The following ARHGAP8 variants were observed in gnomAD, a reference collection of about 807,000 sequenced individuals.
ARHGAP8 encodes rho GTPase-activating protein 8.
Under a neutral mutation model 46.1 loss-of-function variants are expected in ARHGAP8, and 62 were observed. The ratio of observed to expected loss-of-function variants is 1.34; its 90% CI spans 1.10 to 1.66. The LOEUF (loss-of-function observed/expected upper bound fraction) is 1.66. Among genes scored for constraint, ARHGAP8 ranks in the 40% most tolerant of loss-of-function variants. The pLI, the probability that ARHGAP8 is intolerant of heterozygous loss-of-function variation, is 0.00. For synonymous variants in ARHGAP8, 375 were observed against 243.1 expected (o/e 1.54, Z -5.05); for missense variants, 923 against 568.4 (o/e 1.62, Z -6.34).
chr22:44,806,779 C>T (rs1232199193), intron 3 of ARHGAP8, among the ~76,000 whole-genome samples: 1 of 151,804 alleles, frequency 6.6e-6, no homozygotes, highest in African/African-American at 2.4e-5. Context: ...TCAGTGAAAC[C>T]CCGCCTCTAC....
At chr22:44,770,668 A>G (rs1399230664) in intron 1 of ARHGAP8, among the ~76,000 whole-genome samples, 1 of 152,156 alleles carries the variant, frequency 6.6e-6, no homozygotes, top group African/African-American at 2.4e-5. Context: ...GGCCTCCCAA[A>G]GTGCTGGGAT....
chr22:44,840,812 C>T (rs138839703), intron 7 of ARHGAP8, among the ~76,000 whole-genome samples: 2 of 152,184 alleles, frequency 1.3e-5, no homozygotes, highest in Admixed American at 6.5e-5. Context: ...CTCCCGGCCG[C>T]GTCCTCGCGT....
chr22:44,858,551 T>TTTTTTTTC (rs397964298), intron 10 of ARHGAP8, among the ~76,000 whole-genome samples: 19 of 118,000 alleles, frequency 1.6e-4, no homozygotes, highest in African/African-American at 6.4e-4. Context: ...TTTTTTTTTT[T>TTTTTTTTC]AAGTAACAGG....
chr22:44,859,484 C>T (rs375711547), intron 10 of ARHGAP8, among the ~76,000 whole-genome samples: 4 of 152,310 alleles, frequency 2.6e-5, no homozygotes, highest in African/African-American at 9.6e-5. Context: ...CTTGTACAGC[C>T]TGTAGAACCA....
chr22:44,843,164 C>A (rs1328066047), intron 7 of ARHGAP8, among the ~76,000 whole-genome samples: 1 of 152,182 alleles, frequency 6.6e-6, no homozygotes, highest in Admixed American at 6.5e-5. Flanking sequence ...TAACAGTAGC[C>A]TGCCTTGCCC....
chr22:44,789,431 G>T (rs1927504456), intron 2 of ARHGAP8, among the ~76,000 whole-genome samples: 1 of 152,094 alleles, frequency 6.6e-6, no homozygotes, highest in Admixed American at 6.6e-5. Context: ...GATTACAGGT[G>T]TGAGCCACTG....
At chr22:44,845,412 T>G in intron 8 of ARHGAP8, 70 bp downstream of exon 8, 1 of 1,604,512 alleles carries the variant, frequency 6.2e-7, no homozygotes, top group Non-Finnish European at 8.5e-7. Flanking sequence ...TGGTTTGTCT[T>G]GGATCCTGAG....
In ARHGAP8 at chr22:44,786,793, T is replaced by A. The variant is rs199634482; in HGVS notation, c.79+187T>A. ...ACTTTGTGAGGCCAAAGTGGGCAGA[T>A]TGCTTCAGCCCACGAATTCGAGACC... On this transcript the variant is annotated intron_variant, in intron 2 of 11. Coordinates refer to ENST00000356099, the MANE Select transcript of ARHGAP8 (RefSeq NM_181335.3). Among the ~76,000 whole-genome samples, 13 of 152,214 alleles carry A rather than the reference T, an allele frequency of 8.5e-5. No homozygotes were observed. In the East Asian group the frequency reaches 2.1e-3, roughly 25 times the overall value.
At chr22:44,754,465 C>T (rs991648189) in intron 1 of ARHGAP8, among the ~76,000 whole-genome samples, 6 of 152,002 alleles carry the variant, frequency 3.9e-5, no homozygotes, top group South Asian at 2.1e-4. Context: ...AAGTGCTTCT[C>T]GTGCCTCAGC....
chr22:44,758,876 GTT>G (rs1275801309), intron 1 of ARHGAP8, among the ~76,000 whole-genome samples: 2 of 152,248 alleles, frequency 1.3e-5, no homozygotes, highest in Non-Finnish European at 2.9e-5. Flanking sequence ...GGATATTCAA[GTT>G]TGAGTTGGGA....
chr22:44,856,403 A>T (rs1342399665), intron 10 of ARHGAP8, among the ~76,000 whole-genome samples: 1 of 151,374 alleles, frequency 6.6e-6, no homozygotes, highest in Non-Finnish European at 1.5e-5. Context: ...GCTCCCAAGT[A>T]TCTGGGATTA....
intron 1 of ARHGAP8, among the ~76,000 whole-genome samples, chr22:44,773,661 C>T (rs1408039846): frequency 6.6e-6 from 1 of 152,192 alleles, no homozygotes. Context: ...TGGCTCACTG[C>T]ATCCTCCGCC....
intron 1 of ARHGAP8, among the ~76,000 whole-genome samples, chr22:44,758,764 C>T (rs1364329605): frequency 6.6e-6 from 1 of 152,192 alleles, no homozygotes; most frequent in Non-Finnish European, 1.5e-5. Context: ...AGGTCCAAAC[C>T]ACAGGCTCTT....
rs1003160235 is a variant in ARHGAP8, at chr22:44,786,358, C to A, written c.-71-99C>A. 22 of 1,463,958 alleles carry A rather than the reference C, an allele frequency of 1.5e-5. No homozygotes were observed. In the Admixed American group the frequency reaches 1.7e-4, roughly 12 times the overall value. 90.7% of individuals were successfully genotyped at this position (1,463,958 alleles called of 1,614,324 possible). A position where few individuals can be genotyped will look rare whatever the true frequency, so the allele number is the denominator to read the frequency against. On this transcript the variant is annotated intron_variant, in intron 1 of 11. Transcript: ENST00000356099. Reference sequence around the variant, plus strand: ...GGTAGGGCGCGTAGTGGGTGTGCAGCAGAGGTGGGTGACTGTCTTATGAAA... The same window carrying A: ...GGTAGGGCGCGTAGTGGGTGTGCAGAAGAGGTGGGTGACTGTCTTATGAAA...
intron 4 of ARHGAP8, among the ~76,000 whole-genome samples, chr22:44,814,223 C>T (rs1040690393): frequency 3.3e-5 from 5 of 152,324 alleles, no homozygotes; most frequent in East Asian, 1.9e-4. Flanking sequence ...GGCCTCTGGC[C>T]GGCTGATGTT....
At chr22:44,813,291 C>G (rs1053556528) in intron 4 of ARHGAP8, among the ~76,000 whole-genome samples, 1 of 151,860 alleles carries the variant, frequency 6.6e-6, no homozygotes, top group Non-Finnish European at 1.5e-5. Flanking sequence ...CACACATACA[C>G]ACCTGGATAC....
At chr22:44,809,159 T>C (rs1477444109) in intron 4 of ARHGAP8, 1 of 471,030 alleles carries the variant, frequency 2.1e-6, no homozygotes, top group Non-Finnish European at 4.4e-6. Context: ...GTCAGCATTT[T>C]AGCTTTGCAG....
At chr22:44,823,646 C>T (rs956776953) in intron 6 of ARHGAP8, among the ~76,000 whole-genome samples, 4 of 152,106 alleles carry the variant, frequency 2.6e-5, no homozygotes, top group African/African-American at 9.7e-5. Flanking sequence ...TAAAGTGATC[C>T]GGGGGAGTCC....
intron 5 of ARHGAP8, among the ~76,000 whole-genome samples, chr22:44,817,968 AGCCAG>A (rs1929869244): frequency 6.6e-6 from 1 of 152,126 alleles, no homozygotes; most frequent in Admixed American, 6.6e-5. Context: ...GATAAAAATC[AGCCAG>A]GCATGGTGGC....
Sources: allele counts gnomAD v4.1 joint callset (sites outside exome capture counted in the v4.1 genomes callset), GRCh38; gene constraint gnomAD v4.1.1; transcripts MANE v1.5; gene names NCBI Gene and HGNC (gene_info 2026-07-23, HGNC 2026-07-21).